The following LGSN variants were observed in gnomAD, a reference collection of about 807,000 sequenced individuals.
LGSN encodes lengsin, lens protein with glutamine synthetase domain.
Under a neutral mutation model 19.5 loss-of-function variants are expected in LGSN, and 21 were observed. The observed-to-expected ratio is 1.07, with a 90% CI of 0.76 to 1.55. The LOEUF (loss-of-function observed/expected upper bound fraction) is 1.55, where lower values mean the gene tolerates loss of function less well. LGSN is among the 40% of genes most tolerant of loss of function. The probability of loss-of-function intolerance (pLI) is 0.00; values close to 1 mark genes in which losing one functional copy is unlikely to be tolerated. For synonymous variants in LGSN, 257 were observed against 215.6 expected (o/e 1.19, Z -1.68); for missense variants, 673 against 608.5 (o/e 1.11, Z -1.12).
the LGSN span, among the ~76,000 whole-genome samples, chr6:63,526,447 C>T: frequency 6.6e-6 from 1 of 151,852 alleles, no homozygotes; most frequent in Non-Finnish European, 1.5e-5. Context: ...AGAATCAGAG[C>T]CAATCCAGTT....
At chr6:63,517,320 C>A in the LGSN span, among the ~76,000 whole-genome samples, 1 of 152,042 alleles carries the variant, frequency 6.6e-6, no homozygotes, top group African/African-American at 2.4e-5. Flanking sequence ...AAATTACCTG[C>A]AATAAAGAAA....
chr6:63,288,965 ATTC>A, intron 2 of LGSN, among the ~76,000 whole-genome samples: 1 of 152,348 alleles, frequency 6.6e-6, no homozygotes, highest in African/African-American at 2.4e-5. Context: ...GAGGAACACC[ATTC>A]AACACATAAC....
the LGSN span, among the ~76,000 whole-genome samples, chr6:63,347,706 AT>A: frequency 6.6e-6 from 1 of 152,258 alleles, no homozygotes; most frequent in Non-Finnish European, 1.5e-5. Flanking sequence ...TCTTTTGAAA[AT>A]TTGGAAAATT....
At chr6:63,534,309 T>C in the LGSN span, among the ~76,000 whole-genome samples, 666 of 152,288 alleles carry the variant, frequency 4.4e-3, 6 homozygotes, top group Non-Finnish European at 6.8e-3. Flanking sequence ...TCTGATGCCA[T>C]GCAATCTCTC....
At chr6:63,479,723 G>A in the LGSN span, among the ~76,000 whole-genome samples, 1 of 147,690 alleles carries the variant, frequency 6.8e-6, no homozygotes, top group African/African-American at 2.4e-5. Context: ...TTGGGCGACA[G>A]AGTGAGACTC....
chr6:63,552,774 C>T, the LGSN span, among the ~76,000 whole-genome samples: 1 of 152,282 alleles, frequency 6.6e-6, no homozygotes, highest in South Asian at 2.1e-4. Context: ...TTTCCCAACA[C>T]CATTTATTAA....
intron 1 of LGSN, among the ~76,000 whole-genome samples, chr6:63,305,673 G>A (rs1711895): frequency 2.6e-5 from 4 of 152,142 alleles, no homozygotes; most frequent in South Asian, 2.1e-4. Context: ...CTCCAGAGTC[G>A]CTCTGAACCT....
the LGSN span, among the ~76,000 whole-genome samples, chr6:63,359,005 C>T: frequency 6.6e-6 from 1 of 152,082 alleles, no homozygotes; most frequent in African/African-American, 2.4e-5. Context: ...GAGATATGTC[C>T]CATCAAAACC....
At chr6:63,355,838 T>C in the LGSN span, among the ~76,000 whole-genome samples, 1 of 152,150 alleles carries the variant, frequency 6.6e-6, no homozygotes, top group African/African-American at 2.4e-5. Flanking sequence ...CCACCATGCC[T>C]GGCTAATATT....
the LGSN span, among the ~76,000 whole-genome samples, chr6:63,452,280 C>A: frequency 1.8e-4 from 28 of 152,052 alleles, no homozygotes; most frequent in East Asian, 7.7e-4. Context: ...ACAGGATTGT[C>A]CTCTGTCACC....
At chr6:63,318,634 T>C (rs1768961486) in intron 1 of LGSN, among the ~76,000 whole-genome samples, 1 of 152,142 alleles carries the variant, frequency 6.6e-6, no homozygotes. Context: ...AAAAATCATA[T>C]TGTTCATTTT....
At chr6:63,483,816 TTTTTC>T in the LGSN span, among the ~76,000 whole-genome samples, 41 of 152,082 alleles carry the variant, frequency 2.7e-4, no homozygotes, top group Non-Finnish European at 5.1e-4. Context: ...TTTTCTTTTC[TTTTTC>T]TTTTCTTTTT....
chr6:63,339,150 AC>A, the LGSN span, among the ~76,000 whole-genome samples: 1 of 152,104 alleles, frequency 6.6e-6, no homozygotes, highest in Non-Finnish European at 1.5e-5. Context: ...GTATTTTGTA[AC>A]TGTTAGATGA....
At chr6:63,368,969 A>G in the LGSN span, among the ~76,000 whole-genome samples, 2 of 152,386 alleles carry the variant, frequency 1.3e-5, no homozygotes, top group African/African-American at 4.8e-5. Context: ...ACCTTCAATT[A>G]CAGTTGCGGG....
chr6:63,524,021 G>A, the LGSN span, among the ~76,000 whole-genome samples: 8 of 151,370 alleles, frequency 5.3e-5, no homozygotes, highest in Admixed American at 2.0e-4. Flanking sequence ...TTGCTCTGTC[G>A]CCCAGGCTGG....
the LGSN span, chr6:63,572,437 A>G: frequency 1.1e-5 from 4 of 368,952 alleles, no homozygotes; most frequent in Non-Finnish European, 1.9e-5. Context: ...GGAGGGTTGC[A>G]CGTCGCGCCG....
the LGSN span, among the ~76,000 whole-genome samples, chr6:63,390,583 G>A: frequency 5.3e-5 from 8 of 151,684 alleles, no homozygotes; most frequent in South Asian, 2.1e-4. Flanking sequence ...TCGGCCAGGC[G>A]CGGTGGCTCA....
At chr6:63,394,106 A>C in the LGSN span, among the ~76,000 whole-genome samples, 5 of 152,254 alleles carry the variant, frequency 3.3e-5, no homozygotes, top group East Asian at 9.7e-4. Flanking sequence ...GTCTCCACTA[A>C]AAATACAAAA....
the LGSN span, among the ~76,000 whole-genome samples, chr6:63,326,022 AC>A: frequency 6.6e-6 from 1 of 152,052 alleles, no homozygotes; most frequent in South Asian, 2.1e-4. Context: ...TGGTGGGTTT[AC>A]AATCCCTACA....
Sources: gnomAD v4.1 joint callset for allele counts (sites outside exome capture counted in the v4.1 genomes callset) on GRCh38, gnomAD v4.1.1 for gene constraint, MANE v1.5 for transcripts, NCBI Gene and HGNC (gene_info 2026-07-23, HGNC 2026-07-21) for gene names.